The following UBAC2 variants were observed in gnomAD, a reference collection of about 807,000 sequenced individuals.
UBAC2 encodes the protein UBA domain containing 2.
In UBAC2, 26 loss-of-function variants were observed where a neutral mutation model predicts 44.0. The observed-to-expected ratio is 0.59, with a 90% CI of 0.43 to 0.82. The LOEUF (loss-of-function observed/expected upper bound fraction) is 0.82. Ranked by LOEUF, UBAC2 falls within the 40% of genes least tolerant of loss-of-function variation. The pLI is 0.00. For synonymous variants in UBAC2, 155 were observed against 154.3 expected (o/e 1.00, Z -0.04); for missense variants, 329 against 419.4 (o/e 0.78, Z 1.88).
intron 7 of UBAC2, among the ~76,000 whole-genome samples, chr13:99,349,304 A>C (rs1366379002): frequency 6.6e-6 from 1 of 152,240 alleles, no homozygotes; most frequent in Non-Finnish European, 1.5e-5. Flanking sequence ...CCCCTGACAC[A>C]CAGCACCTAA....
intron 6 of UBAC2, among the ~76,000 whole-genome samples, chr13:99,332,677 T>C (rs2044732808): frequency 6.6e-6 from 1 of 152,196 alleles, no homozygotes; most frequent in African/African-American, 2.4e-5. Context: ...CGAGCTTGTC[T>C]TCCCGGGCAT....
chr13:99,318,171 C>T (rs1389742151), intron 6 of UBAC2, 102 bp downstream of exon 6: 2 of 1,038,436 alleles, frequency 1.9e-6, no homozygotes, highest in African/African-American at 6.5e-5. Flanking sequence ...ACTGTCTCAC[C>T]ATTCTTTTTT....
At chr13:99,220,921 A>G (rs1289328937) in intron 1 of UBAC2, among the ~76,000 whole-genome samples, 1 of 152,020 alleles carries the variant, frequency 6.6e-6, no homozygotes, top group Non-Finnish European at 1.5e-5. Context: ...CAGACCAGAG[A>G]TTATCTCTGT....
At position 99,347,322 on chromosome 13, in the gene UBAC2, C is replaced by CT. The variant is rs762134106; in HGVS notation, c.807+6757_807+6758insT. ...TCAGACGTTACTATCCCCGGGCGCCCCCCCCCCCCCCCAGGAAAAAAAAGG... is the reference window on the plus strand; with the variant it reads ...TCAGACGTTACTATCCCCGGGCGCCCTCCCCCCCCCCCCAGGAAAAAAAAGG... On this transcript the variant is annotated intron_variant, in intron 7 of 8. Transcript: ENST00000403766. Among the ~76,000 whole-genome samples the CT allele has an allele frequency of 1.8e-3, 43 of 23,574 alleles. 2 individuals are homozygous for CT. The highest frequency in any genetic ancestry group is 4.9e-3 in the African/African-American group (43 of 8,814). The allele number at this position is 23,574 out of a possible 152,430, so 15.5% of individuals were successfully genotyped here.
chr13:99,255,740 A>G (rs140539549), intron 4 of UBAC2: 4 of 1,614,128 alleles, frequency 2.5e-6, no homozygotes, highest in East Asian at 2.2e-5. Flanking sequence ...CTGAAAACCC[A>G]TAATGCAGTG....
At chr13:99,253,952 T>G (rs1381312396) in intron 4 of UBAC2, among the ~76,000 whole-genome samples, 1 of 152,232 alleles carries the variant, frequency 6.6e-6, no homozygotes, top group Non-Finnish European at 1.5e-5. Flanking sequence ...GTATTCAGGA[T>G]AATAGGGGCT....
intron 7 of UBAC2, among the ~76,000 whole-genome samples, chr13:99,346,477 T>C (rs1308351507): frequency 6.6e-6 from 1 of 152,238 alleles, no homozygotes; most frequent in Non-Finnish European, 1.5e-5. Context: ...TCTGCTGCCG[T>C]GTGCAAGCCC....
chr13:99,333,113 G>C (rs1472518326), intron 6 of UBAC2, among the ~76,000 whole-genome samples: 1 of 152,014 alleles, frequency 6.6e-6, no homozygotes, highest in Non-Finnish European at 1.5e-5. Flanking sequence ...GGAAGAAAGA[G>C]AGAGATAATG....
chr13:99,367,802 T>G lies in UBAC2; in HGVS notation c.823T>G (p.Trp275Gly). The G allele has an allele frequency of 6.2e-7, 1 of 1,612,968 alleles. No homozygotes were observed. The highest frequency in any genetic ancestry group is 8.5e-7 in the Non-Finnish European group (1 of 1,179,530). ...QRQQQGGMIN[W>G]NRLFPPLRQR... is the part of the protein sequence containing the mutation. ...CTCTTTTTAGGGAGGAATGATCAAT[T>G]GGAATCGTCTTTTTCCTCCTTTACG... Residue 275 changes from tryptophan (W) to glycine (G), a missense_variant, in exon 8 of 9, where the codon TGG becomes GGG. Physicochemically the swap from Trp to Gly is radical, Grantham distance 184 (BLOSUM62 -2). Transcript: ENST00000403766.
intron 6 of UBAC2, among the ~76,000 whole-genome samples, chr13:99,332,218 A>G (rs1203044360): frequency 6.6e-6 from 1 of 152,148 alleles, no homozygotes; most frequent in Non-Finnish European, 1.5e-5. Flanking sequence ...TTGCAAAGTC[A>G]TAGTTTCTAA....
chr13:99,360,334 G>A (rs759047482), intron 7 of UBAC2, among the ~76,000 whole-genome samples: 10 of 152,256 alleles, frequency 6.6e-5, no homozygotes, highest in South Asian at 6.2e-4. Context: ...ATGGCTTTAC[G>A]TTCTATTTTA....
chr13:99,301,770 G>A (rs975564870), intron 4 of UBAC2, among the ~76,000 whole-genome samples: 2 of 152,148 alleles, frequency 1.3e-5, no homozygotes, highest in African/African-American at 4.8e-5. Flanking sequence ...TAATTTACTC[G>A]TTCAAGTAAT....
At chr13:99,236,665 C>T (rs2043236050) in intron 1 of UBAC2, among the ~76,000 whole-genome samples, 1 of 152,078 alleles carries the variant, frequency 6.6e-6, no homozygotes, top group African/African-American at 2.4e-5. Flanking sequence ...GCCTGGCCAA[C>T]TTGGTGAAAC....
At chr13:99,215,336 TTA>T (rs2042979356) in intron 1 of UBAC2, 4 of 839,026 alleles carry the variant, frequency 4.8e-6, no homozygotes, top group Admixed American at 3.4e-5. Flanking sequence ...GTTCTTTTAT[TTA>T]GAGTCCTGAG....
At chr13:99,207,623 C>T (rs1050694342) in intron 1 of UBAC2, among the ~76,000 whole-genome samples, 2 of 152,178 alleles carry the variant, frequency 1.3e-5, no homozygotes, top group African/African-American at 4.8e-5. Context: ...CTTGTTTGAT[C>T]CAAAACATTT....
chr13:99,355,215 T>G (rs371915078), intron 7 of UBAC2, among the ~76,000 whole-genome samples: 40 of 152,342 alleles, frequency 2.6e-4, no homozygotes, highest in African/African-American at 9.4e-4. Flanking sequence ...TACTTTATAA[T>G]TTGTGTGTAG....
Position 99,220,887 on chromosome 13 carries a change from TA to T in UBAC2, c.32-17534del, listed in dbSNP as rs566586162. On this transcript the variant is annotated intron_variant, in intron 1 of 8. Transcript: ENST00000403766. ...ATTGTCAAAATCGATTTTTTTTTGG[TA>T]AAAAATTAAGATCTCCCATGAACAG... is the stretch of plus-strand genomic sequence containing the variant. Among the ~76,000 whole-genome samples the T allele has an allele frequency of 5.3e-5, 8 of 152,264 alleles. No individual in the cohort carries two copies. The South Asian group carries it at 1.7e-3, about 32-fold the overall frequency.
chr13:99,217,146 G>T (rs965927580), intron 1 of UBAC2, among the ~76,000 whole-genome samples: 2 of 152,068 alleles, frequency 1.3e-5, no homozygotes, highest in Admixed American at 6.5e-5. Context: ...CCTCGTTTTC[G>T]AATTAATTTT....
At chr13:99,246,928 CAT>C (rs2043390748) in intron 4 of UBAC2, among the ~76,000 whole-genome samples, 3 of 152,220 alleles carry the variant, frequency 2.0e-5, no homozygotes, top group African/African-American at 7.2e-5. Flanking sequence ...CTTTCTCAAA[CAT>C]AGACTTTTTG....
Sources: allele counts gnomAD v4.1 joint callset (sites outside exome capture counted in the v4.1 genomes callset), GRCh38; gene constraint gnomAD v4.1.1; transcripts MANE v1.5; gene names NCBI Gene and HGNC (gene_info 2026-07-23, HGNC 2026-07-21).